The following TAPBPL variants were observed in gnomAD, a reference collection of about 807,000 sequenced individuals.
The protein encoded by TAPBPL is tapasin-related protein.
Under a neutral mutation model 44.8 loss-of-function variants are expected in TAPBPL, and 32 were observed. The observed-to-expected ratio is 0.71, with a 90% CI of 0.54 to 0.96. The LOEUF is 0.96. Among genes scored for constraint, TAPBPL ranks in the 40% least tolerant of loss-of-function variants. The pLI, the probability that TAPBPL is intolerant of heterozygous loss-of-function variation, is 0.00. For synonymous variants in TAPBPL, 230 were observed against 240.7 expected (o/e 0.96, Z 0.41); for missense variants, 520 against 586.6 (o/e 0.89, Z 1.17).
chr12:6,464,681 C>A, downstream of TAPBPL: 1 of 1,485,420 alleles, frequency 6.7e-7, no homozygotes, highest in East Asian at 2.4e-5. Flanking sequence ...CGCCATCTCC[C>A]TGCAATGCGT....
In TAPBPL at chr12:6,458,880, C is replaced by A; in HGVS notation, c.1140C>A (p.Tyr380Ter). 6.2e-7 allele frequency: 1 copy of A among 1,614,200 alleles called. No homozygotes were observed. Among genetic ancestry groups the A allele is most frequent in the Non-Finnish European group, 8.5e-7 (1 of 1,180,048 alleles). ...TAEPGSAGAT[Y>*]TCQVTHISLE... ...AACCTGGCTCTGCAGGTGCCACTTACACCTGCCAGGTCACACACATCTCTC... is the reference window on the plus strand; with the variant it reads ...AACCTGGCTCTGCAGGTGCCACTTAAACCTGCCAGGTCACACACATCTCTC... Residue 380 changes from tyrosine to a stop codon, truncating the protein, a stop_gained, in exon 5 of 7, where the codon TAC becomes TAA. Coordinates refer to ENST00000266556, the MANE Select transcript of TAPBPL (RefSeq NM_018009.5). LOFTEE classifies it high-confidence loss of function.
chr12:6,466,763 A>C, downstream of TAPBPL: 1 of 173,310 alleles, frequency 5.8e-6, no homozygotes. Context: ...CAACTCAAAC[A>C]AGTCCTCTGC....
chr12:6,453,297 G>C lies in TAPBPL; in HGVS notation c.295G>C (p.Val99Leu), dbSNP rs1335344935. 26 of 1,613,596 alleles carry C rather than the reference G, an allele frequency of 1.6e-5. No individual in the cohort carries two copies. The highest frequency in any genetic ancestry group is 2.2e-5 in the Non-Finnish European group (26 of 1,179,854). ...DDPPIIFEAS[V>L]DLVQIPQAEA... ...CCCACCTATTATCTTTGAGGCCTCA[G>C]GTAAAAGCCTTCCACCTGTGTCCTT... Residue 99 changes from valine (V) to leucine (L), a missense_variant and splice_region_variant, in exon 2 of 7, where the codon GTG (valine) becomes CTG (leucine). By Grantham distance (32) the Val-to-Leu change is conservative (BLOSUM62 1). Transcript: ENST00000266556. This position sits in a 1 kb window ranked among gnomAD's most constrained non-coding sequence, Gnocchi z 4.8.
chr12:6,465,073 G>C (rs1592146703), downstream of TAPBPL: 2 of 1,370,080 alleles, frequency 1.5e-6, no homozygotes, highest in Admixed American at 4.4e-5. Context: ...CAGGAGACCT[G>C]CAGGCCTCTT....
chr12:6,464,138 G>C, downstream of TAPBPL: 1 of 1,377,740 alleles, frequency 7.3e-7, no homozygotes, highest in Non-Finnish European at 9.6e-7. Context: ...CAGCTTCATG[G>C]GTACTTCGCC....
rs764390066 is a variant in TAPBPL, at chr12:6,460,899, C to T, written c.1252C>T (p.Leu418Phe). The change falls in exon 6 of 7, where the codon CTT becomes TTT. Residue 418 changes from leucine to phenylalanine, a missense_variant. Leu to Phe is a conservative substitution (Grantham distance 22). Transcript: ENST00000266556. ...AGTCATCTTTGCCAGCAGTCTCTTC[C>T]TTCTTGCACTGATGTTCCTGGGGCT... ...LGVIFASSLF[L>F]LALMFLGLQR... 6 of 1,614,150 alleles carry T rather than the reference C, an allele frequency of 3.7e-6. No individual in the cohort carries two copies. In the South Asian group the frequency reaches 4.4e-5, roughly 12 times the overall value.
chr12:6,453,410 C>G lies in TAPBPL; in HGVS notation c.296-37C>G. 6.2e-7 allele frequency: 1 copy of G among 1,611,332 alleles called. No individual in the cohort carries two copies. Among genetic ancestry groups the G allele is most frequent in the Non-Finnish European group, 8.5e-7 (1 of 1,178,274 alleles). ...TCCCGTTGGCCCTGGTGTTCTCACGCTAATTTGCCCTCTGTGTGTGCCCTG... is the reference window on the plus strand; with the variant it reads ...TCCCGTTGGCCCTGGTGTTCTCACGGTAATTTGCCCTCTGTGTGTGCCCTG... On this transcript the variant is annotated intron_variant, in intron 2 of 6. Transcript: ENST00000266556. This position sits in a 1 kb window ranked among gnomAD's most constrained non-coding sequence, Gnocchi z 4.8.
intron 1 of TAPBPL, 97 bp from the exon 2 acceptor site, chr12:6,452,970 A>T: frequency 2.4e-6 from 3 of 1,259,324 alleles, no homozygotes; most frequent in Non-Finnish European, 3.3e-6. Context: ...GGCAACTTTT[A>T]CCCTTTGATG....
chr12:6,457,883 T>A, intron 4 of TAPBPL, 139 bp downstream of exon 4: 1 of 947,014 alleles, frequency 1.1e-6, no homozygotes, highest in East Asian at 2.7e-5. Context: ...ATCTTCACCA[T>A]GGAAGCACAG....
At chr12:6,464,698 G>C, downstream of TAPBPL, 1 of 1,501,460 alleles carries the variant, frequency 6.7e-7, no homozygotes, top group Non-Finnish European at 8.8e-7. Flanking sequence ...GCGTTGCAGG[G>C]GGAAGGCTTG....
upstream of TAPBPL, chr12:6,451,709 C>T (rs1949552210): frequency 6.3e-6 from 2 of 318,810 alleles, no homozygotes; most frequent in Non-Finnish European, 1.2e-5. Flanking sequence ...TGACAGATGA[C>T]CACCCTGCAG....
chr12:6,465,955 C>G (rs759072431), downstream of TAPBPL: 5 of 1,614,130 alleles, frequency 3.1e-6, no homozygotes, highest in Non-Finnish European at 4.2e-6. Context: ...AGCTTCTGGT[C>G]CCTCTCCAGG....
chr12:6,460,060 G>C (rs1045097350), intron 5 of TAPBPL, among the ~76,000 whole-genome samples: 1 of 151,928 alleles, frequency 6.6e-6, no homozygotes, highest in Non-Finnish European at 1.5e-5. Context: ...ATGAGCCACC[G>C]CACCCTGCCT....
At chr12:6,455,194 C>T (rs1016339002) in intron 3 of TAPBPL, among the ~76,000 whole-genome samples, 7 of 152,112 alleles carry the variant, frequency 4.6e-5, no homozygotes, top group East Asian at 1.9e-4. Context: ...TATATGTGTA[C>T]GTGTGTATTT....
chr12:6,459,762 T>C (rs1347631379), intron 5 of TAPBPL, among the ~76,000 whole-genome samples: 1 of 122,412 alleles, frequency 8.2e-6, no homozygotes, highest in Non-Finnish European at 1.5e-5. Context: ...ATTTATTTAT[T>C]TATTTTATTT....
downstream of TAPBPL, chr12:6,462,976 G>C: frequency 6.4e-7 from 1 of 1,551,738 alleles, no homozygotes; most frequent in Non-Finnish European, 8.7e-7. Flanking sequence ...CTTCCTGTTC[G>C]TGGACCGAGG....
intron 3 of TAPBPL, among the ~76,000 whole-genome samples, chr12:6,456,946 C>A (rs1381658991): frequency 6.6e-6 from 1 of 152,246 alleles, no homozygotes; most frequent in Non-Finnish European, 1.5e-5. Context: ...AGCCACCGCA[C>A]CCAGCCACCA....
rs986377714 is a variant in TAPBPL, at chr12:6,453,273, C to T, written c.271C>T (p.Pro91Ser). 28 of 1,613,980 alleles carry T rather than the reference C, an allele frequency of 1.7e-5. No individual in the cohort carries two copies. The highest frequency in any genetic ancestry group is 2.2e-5 in the Non-Finnish European group (26 of 1,179,976). The change falls in exon 2 of 7, where the codon CCA becomes TCA. Residue 91 changes from proline (P) to serine (S), a missense_variant. By Grantham distance (74) the Pro-to-Ser change is moderately conservative. Coordinates refer to ENST00000266556, the MANE Select transcript of TAPBPL (RefSeq NM_018009.5). The surrounding 1 kb of genome is among the most constrained non-coding windows in gnomAD (Gnocchi z 4.8). ...AGGGGGCACACTGGCCCAAGATGAC[C>T]CACCTATTATCTTTGAGGCCTCAGG... is the stretch of plus-strand genomic sequence containing the variant. ...FQGGTLAQDDPPIIFEASVDL... is the reference protein window; with the variant it reads ...FQGGTLAQDDSPIIFEASVDL...
downstream of TAPBPL, chr12:6,464,466 A>G: frequency 6.4e-7 from 1 of 1,550,630 alleles, no homozygotes; most frequent in Non-Finnish European, 8.7e-7. Context: ...GGGGTGGTAC[A>G]TTCTCAAGTA....
Sources: allele counts gnomAD v4.1 joint callset (sites outside exome capture counted in the v4.1 genomes callset), GRCh38; gene constraint gnomAD v4.1.1; non-coding constraint Gnocchi (gnomAD v3.1); transcripts MANE v1.5; gene names NCBI Gene and HGNC (gene_info 2026-07-23, HGNC 2026-07-21).